TBC1D16: variants seen among roughly 807,000 people sequenced by gnomAD.
TBC1D16 encodes CTD-2529O21.1.
Under a neutral mutation model 74.7 loss-of-function variants are expected in TBC1D16, and 58 were observed. The observed-to-expected ratio is 0.78, with a 90% CI of 0.63 to 0.97. The LOEUF (loss-of-function observed/expected upper bound fraction) is 0.97. Among genes scored for constraint, TBC1D16 ranks in the 50% least tolerant of loss-of-function variants. The pLI is 0.00. For missense variants in TBC1D16, 1,014 were observed against 1,079.5 expected (o/e 0.94, Z 0.85); for synonymous variants, 493 against 474.7 (o/e 1.04, Z -0.50).
chr17:80,009,707 G>A lies in TBC1D16; in HGVS notation c.779+453C>T, dbSNP rs1007902784. ...GGCTGCAGGGCAGAGCGGGGAGCTG[G>A]AGACCAGCACATCTGGGCTTGGGCC... On this transcript the variant is annotated intron_variant, in intron 3 of 11. Transcript: ENST00000310924. This position sits in a 1 kb window ranked among gnomAD's most constrained non-coding sequence, Gnocchi z 5.4. 5.3e-5 allele frequency among the ~76,000 whole-genome samples: 8 copies of A among 152,230 alleles called. No homozygotes were observed. The highest frequency in any genetic ancestry group is 2.6e-4 in the Admixed American group (4 of 15,290).
intron 9 of TBC1D16, 143 bp downstream of exon 9, chr17:79,947,502 G>A (rs1480620713): frequency 1.2e-5 from 11 of 882,086 alleles, no homozygotes; most frequent in Middle Eastern, 6.3e-4. Context: ...CATATCCCAC[G>A]GGCAAGTCCT....
chr17:79,968,305 C>T (rs1270309587), intron 3 of TBC1D16, among the ~76,000 whole-genome samples: 3 of 152,292 alleles, frequency 2.0e-5, no homozygotes, highest in East Asian at 1.9e-4. Context: ...TGCACCCAAC[C>T]GGGTGAAAGA....
rs543310279 is a variant in TBC1D16 at position 80,010,445 on chromosome 17, G to T, written c.494C>A (p.Ala165Glu). Residue 165 changes from alanine to glutamate, a missense_variant, in exon 3 of 12, where the codon GCG becomes GAG. Coordinates refer to ENST00000310924, the MANE Select transcript of TBC1D16 (RefSeq NM_019020.4). This position sits in a 1 kb window ranked among gnomAD's most constrained non-coding sequence, Gnocchi z 8.8. ...GGCACCATCCACCCCCAAGCCCTGC[G>T]CCAGCTTCTCCTCATCCTCTGGCGC... ...SPAPEDEEKL[A>E]QGLGVDGAQP... 2 of 1,608,888 alleles carry T rather than the reference G, an allele frequency of 1.2e-6. No homozygotes were observed. Among genetic ancestry groups the T allele is most frequent in the Admixed American group, 3.4e-5 (2 of 59,280 alleles).
In TBC1D16 at chr17:80,000,019, G is replaced by A. The variant is rs565634695; in HGVS notation, c.779+10141C>T. ...GAGCAACTGACATGACAGAAACAAG[G>A]AGTTTCTCAGGGCCCTGATTGTGTT... On this transcript the variant is annotated intron_variant, in intron 3 of 11. Transcript: ENST00000310924. This position sits in a 1 kb window ranked among gnomAD's most constrained non-coding sequence, Gnocchi z 4.1. Among the ~76,000 whole-genome samples, 2 of 152,252 alleles carry A rather than the reference G, an allele frequency of 1.3e-5. No individual in the cohort carries two copies. Among genetic ancestry groups the A allele is most frequent in the Admixed American group, 1.3e-4 (2 of 15,294 alleles).
chr17:80,028,046 A>G (rs949996542), intron 1 of TBC1D16, among the ~76,000 whole-genome samples: 6 of 152,084 alleles, frequency 3.9e-5, no homozygotes, highest in Non-Finnish European at 8.8e-5. Context: ...TCCCGAGTGC[A>G]TGACACCTCC....
intron 7 of TBC1D16, among the ~76,000 whole-genome samples, 171 bp downstream of exon 7, chr17:79,949,546 T>C (rs1411736098): frequency 2.0e-5 from 3 of 152,270 alleles, no homozygotes; most frequent in Non-Finnish European, 4.4e-5. Flanking sequence ...CTTGGTTTAA[T>C]GACTGCACTT....
intron 1 of TBC1D16, among the ~76,000 whole-genome samples, chr17:80,017,512 T>C (rs550267627): frequency 6.6e-6 from 1 of 151,732 alleles, no homozygotes; most frequent in African/African-American, 2.4e-5. Context: ...AGAAATTCCA[T>C]CTCTACTAAA....
At chr17:79,970,362 C>G (rs2034032521) in intron 3 of TBC1D16, among the ~76,000 whole-genome samples, 1 of 152,232 alleles carries the variant, frequency 6.6e-6, no homozygotes, top group African/African-American at 2.4e-5. Context: ...TGTGATTACA[C>G]AGCTTCATGA....
At chr17:79,996,499 T>C (rs577540697) in intron 3 of TBC1D16, among the ~76,000 whole-genome samples, 8 of 152,216 alleles carry the variant, frequency 5.3e-5, no homozygotes, top group Admixed American at 3.9e-4. Flanking sequence ...CTGATGAGGA[T>C]GTGGAGAAAC....
rs921613614 is a variant in TBC1D16, at chr17:79,934,283, T to C, written c.*6576A>G. On this transcript the variant is annotated 3_prime_UTR_variant, in exon 12 of 12. Coordinates refer to ENST00000310924, the MANE Select transcript of TBC1D16 (RefSeq NM_019020.4). ...CCGGACAAATTGGAAGGGACCTTCTTGGCAGGACAGGTCCAGTTGGTGGCC... is the reference window on the plus strand; with the variant it reads ...CCGGACAAATTGGAAGGGACCTTCTCGGCAGGACAGGTCCAGTTGGTGGCC... The C allele has an allele frequency of 6.6e-6, 1 of 152,538 alleles. No homozygotes were observed. Among genetic ancestry groups the C allele is most frequent in the East Asian group, 1.9e-4 (1 of 5,196 alleles). 9.4% of individuals were successfully genotyped at this position (152,538 alleles called of 1,614,324 possible). A position where few individuals can be genotyped will look rare whatever the true frequency, so the allele number is the denominator to read the frequency against.
chr17:79,990,754 G>A lies in TBC1D16; in HGVS notation c.779+19406C>T, dbSNP rs1178434056. ...CTCCATGAAACACCAGCTCCCCAAC[G>A]TCCCCTCCCTCAGCCCCTGGCACCC... On this transcript the variant is annotated intron_variant, in intron 3 of 11. Transcript: ENST00000310924. This position sits in a 1 kb window ranked among gnomAD's most constrained non-coding sequence, Gnocchi z 4.8. Among the ~76,000 whole-genome samples the A allele has an allele frequency of 1.3e-5, 2 of 151,958 alleles. No individual in the cohort carries two copies. Among genetic ancestry groups the A allele is most frequent in the East Asian group, 1.9e-4 (1 of 5,192 alleles).
intron 1 of TBC1D16, among the ~76,000 whole-genome samples, chr17:80,014,271 C>T (rs756452303): frequency 7.9e-5 from 12 of 152,060 alleles, no homozygotes; most frequent in African/African-American, 1.7e-4. Context: ...GCAGGTGAAT[C>T]GCTTGAACCC....
intron 1 of TBC1D16, among the ~76,000 whole-genome samples, chr17:80,028,996 C>T (rs920041252): frequency 6.6e-6 from 1 of 152,012 alleles, no homozygotes; most frequent in Non-Finnish European, 1.5e-5. Context: ...TTGTGTAATT[C>T]GAAAGGAAAG....
In TBC1D16 at chr17:79,951,896, C is replaced by T. The variant is rs932717646; in HGVS notation, c.942-299G>A. 19 of 286,724 alleles carry T rather than the reference C, an allele frequency of 6.6e-5. No homozygotes were observed. The East Asian group carries it at 9.4e-4, about 14-fold the overall frequency. The allele number at this position is 286,724 out of a possible 1,614,324, so 17.8% of individuals were successfully genotyped here. On this transcript the variant is annotated intron_variant, in intron 4 of 11. Transcript: ENST00000310924. Reference sequence around the variant, plus strand: ...GCCCGGCAACATGGTCCCTGCAGTCCGGGAGACCTGGGTCCCAACGCTGAG... The same window carrying T: ...GCCCGGCAACATGGTCCCTGCAGTCTGGGAGACCTGGGTCCCAACGCTGAG...
intron 3 of TBC1D16, among the ~76,000 whole-genome samples, chr17:79,995,363 G>A (rs540818857): frequency 4.9e-4 from 75 of 152,072 alleles, no homozygotes; most frequent in Non-Finnish European, 1.0e-3. Flanking sequence ...GGACAAAAGA[G>A]CAAAGCGTCT....
rs555967582 is a variant in TBC1D16, at chr17:79,946,651, C to T, written c.1728+994G>A. On this transcript the variant is annotated intron_variant, in intron 9 of 11. Coordinates refer to ENST00000310924, the MANE Select transcript of TBC1D16 (RefSeq NM_019020.4). ...ACGCTCTGTGTCCTGGGGGTGGGGA[C>T]CCCCGTTCTATGAGACACACTCTGT... 5.3e-5 allele frequency among the ~76,000 whole-genome samples: 8 copies of T among 152,278 alleles called. No individual in the cohort carries two copies. In the South Asian group the frequency reaches 1.5e-3, roughly 28 times the overall value.
At position 80,035,323 on chromosome 17, in the gene TBC1D16, G is replaced by GACC. The variant is rs985105372; in HGVS notation, c.-63+469_-63+471dup. ...CGACACGCGGATCTTAAACAGCCCA[G>GACC]ACCACCAAGCCCGACAGGCCGGGAA... On this transcript the variant is annotated intron_variant, in intron 1 of 11. Coordinates refer to ENST00000310924, the MANE Select transcript of TBC1D16 (RefSeq NM_019020.4). The surrounding 1 kb of genome is among the most constrained non-coding windows in gnomAD (Gnocchi z 5.3). Among the ~76,000 whole-genome samples, 2 of 151,104 alleles carry GACC rather than the reference G, an allele frequency of 1.3e-5. No homozygotes were observed. The highest frequency in any genetic ancestry group is 2.9e-5 in the Non-Finnish European group (2 of 67,912).
At position 79,974,436 on chromosome 17, in the gene TBC1D16, C is replaced by T. The variant is rs1206637662; in HGVS notation, c.780-21618G>A. On this transcript the variant is annotated intron_variant, in intron 3 of 11. Transcript: ENST00000310924. ...GTATTTTTAGAGAGACAGGGTTTCC[C>T]CATGCTGCCCAGGCTGGTCTCGAAC... 4.6e-5 allele frequency among the ~76,000 whole-genome samples: 7 copies of T among 151,998 alleles called. No homozygotes were observed. The East Asian group carries it at 1.4e-3, about 29-fold the overall frequency.
intron 3 of TBC1D16, among the ~76,000 whole-genome samples, chr17:80,004,193 G>A (rs1041627179): frequency 7.2e-5 from 11 of 152,264 alleles, no homozygotes; most frequent in Non-Finnish European, 1.6e-4. Context: ...AGTGCGGGAC[G>A]GCGCAGACCT....
Sources: allele counts gnomAD v4.1 joint callset (sites outside exome capture counted in the v4.1 genomes callset), GRCh38; gene constraint gnomAD v4.1.1; non-coding constraint Gnocchi (gnomAD v3.1); transcripts MANE v1.5; gene names NCBI Gene and HGNC (gene_info 2026-07-23, HGNC 2026-07-21).